KDM4C: variants seen among roughly 807,000 people sequenced by gnomAD.
KDM4C encodes the protein lysine demethylase 4C, also known as lysine-specific demethylase 4C.
Under a neutral mutation model 129.3 loss-of-function variants are expected in KDM4C, and 81 were observed. The ratio of observed to expected loss-of-function variants is 0.63; its 90% CI spans 0.52 to 0.75. The LOEUF is 0.75. Ranked by LOEUF, KDM4C falls within the 30% of genes least tolerant of loss-of-function variation. The pLI, the probability that KDM4C is intolerant of heterozygous loss-of-function variation, is 0.00. For missense variants in KDM4C, 1,457 were observed against 1,304.0 expected (o/e 1.12, Z -1.81); for synonymous variants, 573 against 456.1 (o/e 1.26, Z -3.26).
chr9:6,802,972 A>G (rs1829291670), intron 2 of KDM4C, among the ~76,000 whole-genome samples: 1 of 152,224 alleles, frequency 6.6e-6, no homozygotes, highest in African/African-American at 2.4e-5. Context: ...CAAGTAGTAT[A>G]TACTGTAGGG....
chr9:6,885,670 G>A (rs897267995), intron 6 of KDM4C, among the ~76,000 whole-genome samples: 3 of 151,274 alleles, frequency 2.0e-5, no homozygotes, highest in African/African-American at 7.3e-5. Context: ...AATTGACTGT[G>A]TTTTATAGAC....
intron 1 of KDM4C, among the ~76,000 whole-genome samples, chr9:6,786,625 A>G (rs1293279668): frequency 6.6e-6 from 1 of 152,226 alleles, no homozygotes; most frequent in Non-Finnish European, 1.5e-5. Context: ...TACTGGAAGA[A>G]CATTTTAAAC....
chr9:6,858,535 A>G (rs1840318784), intron 5 of KDM4C, among the ~76,000 whole-genome samples: 1 of 152,194 alleles, frequency 6.6e-6, no homozygotes, highest in Non-Finnish European at 1.5e-5. Flanking sequence ...CATGGTTGGG[A>G]GGCCTAGGTG....
chr9:6,774,334 C>T (rs1295338849), intron 1 of KDM4C, among the ~76,000 whole-genome samples: 1 of 152,072 alleles, frequency 6.6e-6, no homozygotes, highest in Non-Finnish European at 1.5e-5. Context: ...TTTAAAAACT[C>T]AAGAGTAATT....
intron 17 of KDM4C, among the ~76,000 whole-genome samples, chr9:7,057,091 C>T (rs1462148419): frequency 6.6e-6 from 1 of 152,102 alleles, no homozygotes; most frequent in Non-Finnish European, 1.5e-5. Context: ...AGAAGGGGGT[C>T]AGGAATTAGT....
At chr9:7,086,523 C>T (rs982809865) in intron 17 of KDM4C, among the ~76,000 whole-genome samples, 18 of 152,308 alleles carry the variant, frequency 1.2e-4, no homozygotes, top group African/African-American at 4.3e-4. Flanking sequence ...GACGCCCACC[C>T]TCATTCTCAG....
intron 5 of KDM4C, among the ~76,000 whole-genome samples, chr9:6,875,840 A>G (rs191527646): frequency 6.6e-6 from 1 of 152,338 alleles, no homozygotes; most frequent in African/African-American, 2.4e-5. Flanking sequence ...GCAGGTGCTC[A>G]GCACCTATCT....
chr9:6,905,196 C>T (rs1289198096), intron 8 of KDM4C, among the ~76,000 whole-genome samples: 2 of 152,046 alleles, frequency 1.3e-5, no homozygotes, highest in Non-Finnish European at 2.9e-5. Flanking sequence ...ATATAGTTAA[C>T]GAGGAACAAA....
chr9:6,747,755 C>T (rs538015406), intron 1 of KDM4C, among the ~76,000 whole-genome samples: 32 of 152,180 alleles, frequency 2.1e-4, no homozygotes, highest in Admixed American at 2.6e-4. Context: ...GCCTGCACAA[C>T]TTAGAGCAGG....
At chr9:7,158,693 G>A (rs537268741) in intron 19 of KDM4C, among the ~76,000 whole-genome samples, 3 of 152,320 alleles carry the variant, frequency 2.0e-5, no homozygotes, top group African/African-American at 4.8e-5. Context: ...TGATTGCACT[G>A]TGGTCTGAGA....
chr9:6,976,213 C>G (rs754408481), intron 8 of KDM4C, among the ~76,000 whole-genome samples: 6 of 152,224 alleles, frequency 3.9e-5, no homozygotes, highest in Middle Eastern at 3.4e-3. Context: ...TTACCACCAC[C>G]AGACATATTC....
intron 18 of KDM4C, among the ~76,000 whole-genome samples, chr9:7,120,207 A>C (rs1306025029): frequency 2.7e-5 from 4 of 150,942 alleles, no homozygotes; most frequent in African/African-American, 9.8e-5. Context: ...AAATTTTTTT[A>C]AGTCAGCCTT....
chr9:6,883,225 T>C (rs868563422), intron 6 of KDM4C, among the ~76,000 whole-genome samples: 32 of 152,354 alleles, frequency 2.1e-4, no homozygotes, highest in African/African-American at 7.2e-4. Flanking sequence ...AAGCATTCAC[T>C]TAGCTGATAG....
intron 12 of KDM4C, among the ~76,000 whole-genome samples, chr9:7,000,850 A>G (rs1459820695): frequency 6.6e-6 from 1 of 152,200 alleles, no homozygotes; most frequent in Non-Finnish European, 1.5e-5. Flanking sequence ...TTGGTTGTAA[A>G]ATTAGCTCTG....
Position 6,957,023 on chromosome 9 carries a change from G to A in KDM4C, c.922-23902G>A, listed in dbSNP as rs1008925998. On this transcript the variant is annotated intron_variant, in intron 8 of 21. Transcript: ENST00000381309. ...AGTTGCAGCTCTTACATTTGGTTACGATGGACAAGGGACCAGCTGGCTTTG... is the reference window on the plus strand; with the variant it reads ...AGTTGCAGCTCTTACATTTGGTTACAATGGACAAGGGACCAGCTGGCTTTG... Among the ~76,000 whole-genome samples, 4 of 152,120 alleles carry A rather than the reference G, an allele frequency of 2.6e-5. No individual in the cohort carries two copies. The East Asian group carries it at 5.8e-4, about 22-fold the overall frequency.
At chr9:7,022,632 TATTTC>T (rs1184027190) in intron 15 of KDM4C, among the ~76,000 whole-genome samples, 215 of 104,700 alleles carry the variant, frequency 2.1e-3, no homozygotes, top group African/African-American at 0.01. Flanking sequence ...GCAAACCCTT[TATTTC>T]TTTTTTTTTT....
intron 2 of KDM4C, among the ~76,000 whole-genome samples, chr9:6,799,540 G>C (rs577376455): frequency 7.5e-6 from 1 of 133,836 alleles, no homozygotes; most frequent in Non-Finnish European, 1.8e-5. Flanking sequence ...GGCTTGGCAT[G>C]AGAGGGAGAC....
chr9:6,969,374 G>C (rs1831544320), intron 8 of KDM4C, among the ~76,000 whole-genome samples: 2 of 152,022 alleles, frequency 1.3e-5, no homozygotes, highest in South Asian at 4.1e-4. Flanking sequence ...GGTTTAAACA[G>C]CAATCTAAAA....
intron 17 of KDM4C, among the ~76,000 whole-genome samples, chr9:7,081,386 G>A (rs192136151): frequency 1.3e-5 from 2 of 152,242 alleles, no homozygotes; most frequent in Admixed American, 6.5e-5. Context: ...CAAGGCTGGC[G>A]TGCACAGAGC....
Sources: allele counts gnomAD v4.1 joint callset (sites outside exome capture counted in the v4.1 genomes callset), GRCh38; gene constraint gnomAD v4.1.1; transcripts MANE v1.5; gene names NCBI Gene and HGNC (gene_info 2026-07-23, HGNC 2026-07-21).